TMEM131: variants seen among roughly 807,000 people sequenced by gnomAD.
The protein encoded by TMEM131 is 2610524E03Rik.
TMEM131 carries 66 observed loss-of-function variants against 211.6 expected under a neutral mutation model. The observed-to-expected ratio is 0.31, with a 90% CI of 0.26 to 0.38. The LOEUF is 0.38. Among genes scored for constraint, TMEM131 ranks in the 10% least tolerant of loss-of-function variants. TMEM131 has a pLI of 1.00. For missense variants in TMEM131, 2,036 were observed against 2,299.3 expected, an observed-to-expected ratio of 0.89 and a Z score of 2.34; for synonymous variants, 844 against 841.3, an observed-to-expected ratio of 1.00 and a Z score of -0.06.
At chr2:97,859,697 G>T (rs529279131) in intron 4 of TMEM131, among the ~76,000 whole-genome samples, 1 of 152,310 alleles carries the variant, frequency 6.6e-6, no homozygotes, top group East Asian at 1.9e-4. Context: ...TGAGGCGGCG[G>T]ACGGGGCACA....
chr2:97,807,604 A>G (rs1681370294), intron 19 of TMEM131, among the ~76,000 whole-genome samples: 1 of 152,206 alleles, frequency 6.6e-6, no homozygotes, highest in Admixed American at 6.5e-5. Flanking sequence ...TTTTAAAAAT[A>G]AATCACCCAG....
At chr2:97,832,420 C>T (rs895637165) in intron 11 of TMEM131, among the ~76,000 whole-genome samples, 1 of 152,168 alleles carries the variant, frequency 6.6e-6, no homozygotes, top group African/African-American at 2.4e-5. Flanking sequence ...GAAGACAATG[C>T]CTGCATCCCG....
intron 1 of TMEM131, among the ~76,000 whole-genome samples, chr2:97,962,232 A>G (rs2104571022): frequency 6.6e-6 from 1 of 152,324 alleles, no homozygotes; most frequent in East Asian, 1.9e-4. Context: ...TGCCTGGCGC[A>G]GTGGCTCACG....
At chr2:97,799,227 T>C (rs1002939455) in intron 25 of TMEM131, among the ~76,000 whole-genome samples, 3 of 152,152 alleles carry the variant, frequency 2.0e-5, no homozygotes, top group Non-Finnish European at 4.4e-5. Context: ...GGTATCAAAC[T>C]TTCCTAGCAG....
At chr2:97,921,949 A>T (rs1395201995) in intron 2 of TMEM131, among the ~76,000 whole-genome samples, 2 of 152,228 alleles carry the variant, frequency 1.3e-5, no homozygotes, top group Admixed American at 1.3e-4. Context: ...TTGCAAACTA[A>T]AACAACCACT....
At chr2:97,965,074 A>G (rs1373641459) in intron 1 of TMEM131, among the ~76,000 whole-genome samples, 2 of 152,208 alleles carry the variant, frequency 1.3e-5, no homozygotes, top group Non-Finnish European at 1.5e-5. Context: ...GGCATGCCAC[A>G]GGTTGCTCGG....
intron 17 of TMEM131, 93 bp from the exon 18 acceptor site, chr2:97,811,325 A>G (rs1202239516): frequency 5.9e-6 from 5 of 840,568 alleles, no homozygotes; most frequent in African/African-American, 3.3e-5. Context: ...AAAATGACTA[A>G]CAAATCCTAA....
At chr2:97,815,405 T>G in intron 12 of TMEM131, 98 bp from the exon 13 acceptor site, 1 of 665,054 alleles carries the variant, frequency 1.5e-6, no homozygotes. Flanking sequence ...AAAAAAAAAG[T>G]TGAGCTTCCA....
chr2:97,881,145 G>A (rs1674908787), intron 4 of TMEM131, among the ~76,000 whole-genome samples: 1 of 152,142 alleles, frequency 6.6e-6, no homozygotes, highest in African/African-American at 2.4e-5. Flanking sequence ...CCTCCGGCTA[G>A]AACCCCTCAC....
At chr2:97,887,260 G>T (rs1675200032) in intron 4 of TMEM131, among the ~76,000 whole-genome samples, 2 of 152,228 alleles carry the variant, frequency 1.3e-5, no homozygotes, top group Non-Finnish European at 2.9e-5. Flanking sequence ...AAGCTGCTTG[G>T]CTAGCCTGGG....
intron 1 of TMEM131, among the ~76,000 whole-genome samples, chr2:97,939,606 G>A (rs776352375): frequency 2.8e-4 from 42 of 152,196 alleles, no homozygotes; most frequent in Non-Finnish European, 5.6e-4. Context: ...ATAAAGAGGA[G>A]CTGGTACCAT....
chr2:97,892,505 C>T (rs898591136), intron 3 of TMEM131, among the ~76,000 whole-genome samples: 4 of 152,132 alleles, frequency 2.6e-5, no homozygotes. Context: ...GGACTACAGA[C>T]ACACACCACC....
chr2:97,815,064 T>C, intron 13 of TMEM131, 135 bp downstream of exon 13: 1 of 464,786 alleles, frequency 2.2e-6, no homozygotes, highest in Non-Finnish European at 3.6e-6. Flanking sequence ...CTTTTATAGT[T>C]GGGGCTGTTC....
intron 4 of TMEM131, among the ~76,000 whole-genome samples, chr2:97,869,349 A>T (rs977318625): frequency 3.9e-5 from 6 of 152,222 alleles, no homozygotes; most frequent in African/African-American, 1.2e-4. Flanking sequence ...TGGAAGTGCT[A>T]GGAGCCTGGA....
At chr2:97,892,505 C>A (rs898591136) in intron 3 of TMEM131, among the ~76,000 whole-genome samples, 1 of 152,132 alleles carries the variant, frequency 6.6e-6, no homozygotes, top group Non-Finnish European at 1.5e-5. Flanking sequence ...GGACTACAGA[C>A]ACACACCACC....
intron 2 of TMEM131, among the ~76,000 whole-genome samples, chr2:97,925,218 C>G (rs1459939442): frequency 6.6e-6 from 1 of 152,122 alleles, no homozygotes; most frequent in Non-Finnish European, 1.5e-5. Context: ...GAAGCAGATT[C>G]AGGTTTATTA....
At chr2:97,985,235 T>C (rs577613386) in intron 1 of TMEM131, among the ~76,000 whole-genome samples, 18 of 152,244 alleles carry the variant, frequency 1.2e-4, no homozygotes, top group Admixed American at 3.9e-4. Context: ...TATTTAACAA[T>C]GTTCTGAAGC....
intron 29 of TMEM131, among the ~76,000 whole-genome samples, chr2:97,794,287 C>T (rs571684050): frequency 2.6e-5 from 4 of 152,142 alleles, no homozygotes; most frequent in East Asian, 1.9e-4. Flanking sequence ...CTGCCCGCCT[C>T]GGCCTCCCAA....
chr2:97,805,253 T>C, intron 21 of TMEM131, 48 bp from the exon 22 acceptor site: 1 of 1,578,004 alleles, frequency 6.3e-7, no homozygotes, highest in Non-Finnish European at 8.6e-7. Flanking sequence ...CACTTGTCAA[T>C]TTTCCTTCAA....
Sources: allele counts gnomAD v4.1 joint callset (sites outside exome capture counted in the v4.1 genomes callset), GRCh38; gene constraint gnomAD v4.1.1; transcripts MANE v1.5; gene names NCBI Gene and HGNC (gene_info 2026-07-23, HGNC 2026-07-21).